Variants in USH2A observed in about 807,000 individuals in gnomAD.
The protein encoded by USH2A is usherin, also known as Usher syndrome 2A (autosomal recessive, mild).
In USH2A, 443 loss-of-function variants were observed where a neutral mutation model predicts 538.9. That is an observed-to-expected ratio of 0.82 (90% confidence interval 0.76 to 0.89). USH2A has a LOEUF of 0.89. Ranked by LOEUF, USH2A falls within the 40% of genes least tolerant of loss-of-function variation. The pLI is 0.00. For missense variants in USH2A, 6,633 were observed against 6,324.8 expected, an observed-to-expected ratio of 1.05 and a Z score of -1.65; for synonymous variants, 2,413 against 2,273.5, an observed-to-expected ratio of 1.06 and a Z score of -1.75.
At chr1:216,052,363 G>GA (rs66887627) in intron 30 of USH2A, among the ~76,000 whole-genome samples, 1,945 of 127,698 alleles carry the variant, frequency 0.015, 19 homozygotes, top group Admixed American at 0.05. Flanking sequence ...GAAAACAAAG[G>GA]AAAAAAAAAA....
intron 64 of USH2A, among the ~76,000 whole-genome samples, chr1:215,658,143 G>A (rs1280225077): frequency 1.3e-5 from 2 of 151,832 alleles, no homozygotes; most frequent in Non-Finnish European, 2.9e-5. Flanking sequence ...CACCATCTTA[G>A]CCAGGATGGT....
intron 38 of USH2A, among the ~76,000 whole-genome samples, chr1:215,912,354 C>A (rs546401789): frequency 2.0e-4 from 30 of 151,170 alleles, no homozygotes. Context: ...AGTTTTCAAC[C>A]AATTTTGATT....
intron 2 of USH2A, 123 bp downstream of exon 2, chr1:216,421,729 T>C: frequency 3.5e-6 from 5 of 1,448,468 alleles, no homozygotes; most frequent in Non-Finnish European, 4.8e-6. Context: ...ACTGGAAGAG[T>C]TAGTCTTCAA....
At chr1:216,131,378 C>T (rs1445438517) in intron 21 of USH2A, among the ~76,000 whole-genome samples, 1 of 151,936 alleles carries the variant, frequency 6.6e-6, no homozygotes, top group African/African-American at 2.4e-5. Flanking sequence ...TCATGAAATC[C>T]TTGCCTAAAC....
rs141035075 is a variant in USH2A at position 215,990,305 on chromosome 1, G to A, written c.6805+2715C>T. On this transcript the variant is annotated intron_variant, in intron 35 of 71. Transcript: ENST00000307340. ...TATATTTTAGGAACAAATGCATTTT[G>A]AACAAATATATTGCAGACACTGGAT... Among the ~76,000 whole-genome samples the A allele has an allele frequency of 9.3e-3, 1,409 of 152,258 alleles. 21 individuals carry two copies. Among genetic ancestry groups the A allele is most frequent in the African/African-American group, 0.032 (1,328 of 41,550 alleles).
In USH2A at chr1:215,877,846, G is replaced by A. The variant is rs2102450789; in HGVS notation, c.8593C>T (p.Leu2865Phe). ...ELLRRKIQQP[L>F]ASNPPEDLNR... ...AAATCTTCTGGGGGATTTGATGCAA[G>A]TGGCTGCTGGATTTTACGTCTCAGA... Residue 2865 changes from leucine (L) to phenylalanine (F), a missense_variant, in exon 43 of 72, where the codon CTT becomes TTT. By Grantham distance (22) the Leu-to-Phe change is conservative. Coordinates refer to ENST00000307340, the MANE Select transcript of USH2A (RefSeq NM_206933.4). 11 of 1,613,796 alleles carry A rather than the reference G, an allele frequency of 6.8e-6. No homozygotes were observed. Among genetic ancestry groups the A allele is most frequent in the Non-Finnish European group, 9.3e-6 (11 of 1,179,754 alleles).
chr1:216,192,334 T>C (rs1486658454), intron 19 of USH2A, among the ~76,000 whole-genome samples: 4 of 152,186 alleles, frequency 2.6e-5, no homozygotes, highest in African/African-American at 7.2e-5. Flanking sequence ...TTGGACTTTG[T>C]TCTGCTACTT....
intron 29 of USH2A, 107 bp from the exon 30 acceptor site, chr1:216,070,399 A>T: frequency 9.9e-7 from 1 of 1,008,518 alleles, no homozygotes; most frequent in Admixed American, 2.0e-5. Flanking sequence ...AACCATTAGC[A>T]TAAATACAAT....
At chr1:216,297,858 G>C (rs908721658) in intron 9 of USH2A, among the ~76,000 whole-genome samples, 1 of 152,130 alleles carries the variant, frequency 6.6e-6, no homozygotes, top group Non-Finnish European at 1.5e-5. Context: ...ACTTCTTCTA[G>C]TAGCCCTATG....
rs79018656 is a variant in USH2A at position 216,132,392 on chromosome 1, C to A, written c.4628-35179G>T. ...CTTAAAAATATGTATAGTCTTTATA[C>A]TGTTATCTGTTGAATTACTGTTATC... is the stretch of plus-strand genomic sequence containing the variant. On this transcript the variant is annotated intron_variant, in intron 21 of 71. Coordinates refer to ENST00000307340, the MANE Select transcript of USH2A (RefSeq NM_206933.4). 2.8e-4 allele frequency among the ~76,000 whole-genome samples: 43 copies of A among 152,056 alleles called. 1 individual carries two copies. In the East Asian group the frequency reaches 7.8e-3, roughly 27 times the overall value.
intron 3 of USH2A, among the ~76,000 whole-genome samples, chr1:216,410,831 C>A (rs2039475990): frequency 6.6e-6 from 1 of 152,016 alleles, no homozygotes. Context: ...TCTTAAACTC[C>A]TCTCAAAGCT....
chr1:216,409,260 A>G (rs1416464346), intron 3 of USH2A, among the ~76,000 whole-genome samples: 1 of 152,180 alleles, frequency 6.6e-6, no homozygotes, highest in African/African-American at 2.4e-5. Context: ...GTGACATTCC[A>G]TGCTCATGAA....
chr1:216,240,222 G>T (rs1286379182), intron 13 of USH2A, among the ~76,000 whole-genome samples: 2 of 152,098 alleles, frequency 1.3e-5, no homozygotes, highest in Non-Finnish European at 2.9e-5. Context: ...CCCCAACCAG[G>T]AAGTTGTCCC....
chr1:216,318,556 C>T (rs1210485762), intron 9 of USH2A, among the ~76,000 whole-genome samples: 1 of 152,156 alleles, frequency 6.6e-6, no homozygotes, highest in African/African-American at 2.4e-5. Flanking sequence ...TTCAACTTAA[C>T]AGTCTATTGA....
chr1:216,227,405 G>T (rs1406490222), intron 14 of USH2A, among the ~76,000 whole-genome samples: 1 of 152,124 alleles, frequency 6.6e-6, no homozygotes, highest in Non-Finnish European at 1.5e-5. Context: ...AACTTTCAGG[G>T]CTCATAAAGC....
At chr1:216,247,472 C>T (rs756375969) in intron 12 of USH2A, among the ~76,000 whole-genome samples, 3 of 152,126 alleles carry the variant, frequency 2.0e-5, no homozygotes, top group Non-Finnish European at 4.4e-5. Flanking sequence ...AAGAAAAATG[C>T]TTAATGCAAA....
In USH2A at chr1:215,888,958, G is replaced by T. The variant is rs1338465164; in HGVS notation, c.7691C>A (p.Thr2564Asn). 1 of 1,614,028 alleles carries T rather than the reference G, an allele frequency of 6.2e-7. No individual in the cohort carries two copies. ...GCCATGTAGATAAATGTTATAATGG[G>T]TAATAACCCCATTGGATTTTCTAGG... Reference protein sequence around the residue: ...QHPRKSNGVITHYNIYLHGRL... With the variant: ...QHPRKSNGVINHYNIYLHGRL... The change falls in exon 41 of 72, where the codon ACC becomes AAC. Residue 2564 changes from threonine (T) to asparagine (N), a missense_variant. By Grantham distance (65) the Thr-to-Asn change is moderately conservative. Transcript: ENST00000307340.
In USH2A at chr1:215,912,490, T is replaced by TAC. The variant is rs1558157963; in HGVS notation, c.7301-11586_7301-11585insGT. On this transcript the variant is annotated intron_variant, in intron 38 of 71. Coordinates refer to ENST00000307340, the MANE Select transcript of USH2A (RefSeq NM_206933.4). The stretch of plus-strand genomic sequence containing the variant: ...ATATATATATACGTATATATATATA[T>TAC]GTGTATATATATATATATATACGTG... Among the ~76,000 whole-genome samples the TAC allele has an allele frequency of 2.0e-3, 65 of 32,602 alleles. 1 individual carries two copies. In the East Asian group the frequency reaches 0.042, roughly 21 times the overall value. 21.4% of individuals were successfully genotyped at this position (32,602 alleles called of 152,430 possible). A position where few individuals can be genotyped will look rare whatever the true frequency, so the allele number is the denominator to read the frequency against.
intron 70 of USH2A, among the ~76,000 whole-genome samples, chr1:215,630,777 C>T (rs542753288): frequency 6.6e-6 from 1 of 151,294 alleles, no homozygotes; most frequent in Non-Finnish European, 1.5e-5. Flanking sequence ...CGCTTGAACC[C>T]AGGAGCTGGA....
Sources: allele counts gnomAD v4.1 joint callset (sites outside exome capture counted in the v4.1 genomes callset), GRCh38; gene constraint gnomAD v4.1.1; transcripts MANE v1.5; gene names NCBI Gene and HGNC (gene_info 2026-07-23, HGNC 2026-07-21).